Variants in FSTL5 observed in about 807,000 individuals in gnomAD.
FSTL5 encodes follistatin like 5.
A neutral mutation model predicts 89.1 loss-of-function variants in FSTL5; 62 were observed. The ratio of observed to expected loss-of-function variants is 0.70; its 90% CI spans 0.57 to 0.86. The LOEUF is 0.86. Among genes scored for constraint, FSTL5 ranks in the 40% least tolerant of loss-of-function variants. FSTL5 has a pLI of 0.00. For synonymous variants in FSTL5, 383 were observed against 346.2 expected, an observed-to-expected ratio of 1.11 and a Z score of -1.18; for missense variants, 1,057 against 1,001.6, an observed-to-expected ratio of 1.06 and a Z score of -0.75.
At chr4:161,491,412 C>G (rs1308341248) in intron 12 of FSTL5, among the ~76,000 whole-genome samples, 1 of 151,764 alleles carries the variant, frequency 6.6e-6, no homozygotes, top group Non-Finnish European at 1.5e-5. Context: ...GTAAATGATA[C>G]TAGATACATA....
chr4:161,969,411 A>G (rs1735419029), intron 3 of FSTL5, among the ~76,000 whole-genome samples: 2 of 152,176 alleles, frequency 1.3e-5, no homozygotes, highest in South Asian at 4.1e-4. Context: ...GCAGCGATCT[A>G]TCTATAGAAC....
chr4:161,552,706 T>C (rs368176624), intron 8 of FSTL5: 35 of 151,866 alleles, frequency 2.3e-4, no homozygotes, highest in African/African-American at 7.5e-4. Flanking sequence ...ACTTAGTTTA[T>C]TGGTGTTAAA....
At chr4:161,869,748 A>T (rs148597829) in intron 4 of FSTL5, among the ~76,000 whole-genome samples, 55 of 152,300 alleles carry the variant, frequency 3.6e-4, no homozygotes, top group African/African-American at 1.3e-3. Context: ...CTAATAACAA[A>T]CCATGAATAT....
At chr4:162,102,614 TA>T (rs1731039990) in intron 2 of FSTL5, among the ~76,000 whole-genome samples, 1 of 146,098 alleles carries the variant, frequency 6.8e-6, no homozygotes, top group Non-Finnish European at 1.5e-5. Flanking sequence ...TTATATTATA[TA>T]TAAAATATTT....
intron 15 of FSTL5, among the ~76,000 whole-genome samples, chr4:161,414,922 A>G (rs1230158554): frequency 6.6e-6 from 1 of 152,086 alleles, no homozygotes; most frequent in Non-Finnish European, 1.5e-5. Flanking sequence ...ACTTTATCTG[A>G]ACTTTACTGC....
intron 8 of FSTL5, among the ~76,000 whole-genome samples, chr4:161,577,473 C>CAAAAAA (rs544029134): frequency 3.6e-5 from 4 of 110,216 alleles, no homozygotes; most frequent in Non-Finnish European, 5.3e-5. Flanking sequence ...AGAAAAAAGA[C>CAAAAAA]AAAAAAAAAA....
At chr4:162,076,480 C>T (rs1182481650) in intron 2 of FSTL5, among the ~76,000 whole-genome samples, 2 of 151,862 alleles carry the variant, frequency 1.3e-5, no homozygotes, top group African/African-American at 2.4e-5. Context: ...GGGTTTGCTG[C>T]AGCTTATTTC....
At chr4:161,411,745 A>G (rs1473060144) in intron 15 of FSTL5, among the ~76,000 whole-genome samples, 1 of 152,184 alleles carries the variant, frequency 6.6e-6, no homozygotes, top group Non-Finnish European at 1.5e-5. Flanking sequence ...AATGGGCAAA[A>G]GCTCAAACCA....
chr4:161,419,888 G>T (rs559292036), intron 15 of FSTL5, among the ~76,000 whole-genome samples: 9 of 152,268 alleles, frequency 5.9e-5, no homozygotes, highest in Admixed American at 5.2e-4. Flanking sequence ...GCTTCCACCA[G>T]AAGACACAAT....
chr4:161,784,360 A>C (rs1741802834), intron 4 of FSTL5, among the ~76,000 whole-genome samples: 1 of 152,114 alleles, frequency 6.6e-6, no homozygotes, highest in African/African-American at 2.4e-5. Flanking sequence ...GGTAGTAAAA[A>C]TATATGAAAT....
At position 161,622,723 on chromosome 4, in the gene FSTL5, C is replaced by T. The variant is rs531289285; in HGVS notation, c.894+33605G>A. On this transcript the variant is annotated intron_variant, in intron 7 of 15. Transcript: ENST00000306100. The stretch of plus-strand genomic sequence containing the variant: ...GGTGTTTCATTAATATAATCTGTTA[C>T]GTAATTCAATATATTATAAAAACAG... Among the ~76,000 whole-genome samples, 8 of 151,940 alleles carry T rather than the reference C, an allele frequency of 5.3e-5. No individual in the cohort carries two copies. In the South Asian group the frequency reaches 1.0e-3, roughly 20 times the overall value.
intron 6 of FSTL5, among the ~76,000 whole-genome samples, chr4:161,676,453 T>C (rs922221785): frequency 1.3e-5 from 2 of 151,870 alleles, no homozygotes; most frequent in Non-Finnish European, 2.9e-5. Context: ...AGTTGAACAA[T>C]GAGAACACAT....
At chr4:162,083,905 A>T (rs1369936175) in intron 2 of FSTL5, among the ~76,000 whole-genome samples, 1 of 151,886 alleles carries the variant, frequency 6.6e-6, no homozygotes, top group Non-Finnish European at 1.5e-5. Context: ...GACTGGCATG[A>T]CTACCAATGA....
chr4:161,599,701 T>TA (rs1394465226), intron 7 of FSTL5, among the ~76,000 whole-genome samples: 10 of 152,116 alleles, frequency 6.6e-5, no homozygotes, highest in Admixed American at 6.6e-4. Context: ...AAAGATCTGA[T>TA]AGCAGCTTTG....
chr4:161,646,000 G>A (rs1281266603), intron 7 of FSTL5, among the ~76,000 whole-genome samples: 1 of 151,280 alleles, frequency 6.6e-6, no homozygotes, highest in Non-Finnish European at 1.5e-5. Context: ...GAGTTTGATG[G>A]TATCCTCTAA....
Position 162,093,577 on chromosome 4 carries a change from C to T in FSTL5, c.126+17694G>A, listed in dbSNP as rs1730636074. Among the ~76,000 whole-genome samples the T allele has an allele frequency of 2.6e-5, 4 of 152,178 alleles. 1 individual carries two copies. The South Asian group carries it at 8.3e-4, about 32-fold the overall frequency. On this transcript the variant is annotated intron_variant, in intron 2 of 15. Coordinates refer to ENST00000306100, the MANE Select transcript of FSTL5 (RefSeq NM_020116.5). ...TTAAAAAATACACAAATATGAAATGCCATACCCAAGAGACTATTTTTATAT... is the reference window on the plus strand; with the variant it reads ...TTAAAAAATACACAAATATGAAATGTCATACCCAAGAGACTATTTTTATAT...
chr4:161,692,727 T>C (rs1009366927), intron 6 of FSTL5, among the ~76,000 whole-genome samples: 1 of 151,994 alleles, frequency 6.6e-6, no homozygotes, highest in Admixed American at 6.6e-5. Flanking sequence ...TATTATTTAT[T>C]TATTTGTTTA....
chr4:161,671,741 A>G (rs1320316873), intron 6 of FSTL5, among the ~76,000 whole-genome samples: 7 of 152,092 alleles, frequency 4.6e-5, no homozygotes, highest in Non-Finnish European at 8.8e-5. Context: ...AATTTCTACA[A>G]CTGTAACAGT....
At chr4:161,664,561 C>T (rs139160941) in intron 6 of FSTL5, among the ~76,000 whole-genome samples, 2,465 of 152,268 alleles carry the variant, frequency 0.016, 27 homozygotes, top group South Asian at 0.029. Flanking sequence ...ATATCACCAT[C>T]AGCATTTTTG....
Sources: gnomAD v4.1 joint callset for allele counts (sites outside exome capture counted in the v4.1 genomes callset) on GRCh38, gnomAD v4.1.1 for gene constraint, MANE v1.5 for transcripts, NCBI Gene and HGNC (gene_info 2026-07-23, HGNC 2026-07-21) for gene names.